ADGRV1: variants seen among roughly 807,000 people sequenced by gnomAD.
ADGRV1 encodes the protein G-protein coupled receptor 98.
A neutral mutation model predicts 596.2 loss-of-function variants in ADGRV1; 359 were observed. That is an observed-to-expected ratio of 0.60 (90% CI 0.55 to 0.66). The LOEUF is 0.66. Among genes scored for constraint, ADGRV1 ranks in the 30% least tolerant of loss-of-function variants. The pLI is 0.00. For missense variants in ADGRV1, 7,274 were observed against 7,575.6 expected (o/e 0.96, Z 1.48); for synonymous variants, 2,681 against 2,679.2 (o/e 1.00, Z -0.02).
intron 85 of ADGRV1, among the ~76,000 whole-genome samples, chr5:91,015,515 A>G (rs1172965227): frequency 6.6e-6 from 1 of 152,022 alleles, no homozygotes; most frequent in Non-Finnish European, 1.5e-5. Flanking sequence ...GCGGGAGTCT[A>G]TGTCTCTTTG....
intron 50 of ADGRV1, among the ~76,000 whole-genome samples, chr5:90,741,239 A>G (rs1259147141): frequency 6.6e-6 from 1 of 151,936 alleles, no homozygotes; most frequent in Non-Finnish European, 1.5e-5. Flanking sequence ...CCTCCACACT[A>G]TCTTTACTTT....
intron 16 of ADGRV1, among the ~76,000 whole-genome samples, chr5:90,646,336 T>A (rs1056583518): frequency 1.3e-5 from 2 of 152,072 alleles, no homozygotes. Context: ...ACTTCAAAAA[T>A]TTTTTGAAGC....
chr5:91,031,377 T>G (rs1424764443), intron 85 of ADGRV1: 2 of 1,123,344 alleles, frequency 1.8e-6, no homozygotes, highest in African/African-American at 3.1e-5. Flanking sequence ...AAGTTCATCA[T>G]TCTGCATGCT....
chr5:91,118,342 G>T (rs954223325), intron 87 of ADGRV1, among the ~76,000 whole-genome samples: 5 of 151,532 alleles, frequency 3.3e-5, no homozygotes, highest in Admixed American at 6.6e-5. Flanking sequence ...GCTATTATGG[G>T]ATCTATTTAA....
chr5:90,611,043 C>T (rs1033807872), intron 1 of ADGRV1, among the ~76,000 whole-genome samples: 4 of 151,140 alleles, frequency 2.6e-5, no homozygotes, highest in African/African-American at 9.7e-5. Context: ...ATCTGAATGG[C>T]CAACCCTATG....
chr5:91,112,780 A>C (rs2126702557), intron 87 of ADGRV1, among the ~76,000 whole-genome samples: 1 of 152,314 alleles, frequency 6.6e-6, no homozygotes, highest in South Asian at 2.1e-4. Flanking sequence ...TTAAGTGTCA[A>C]GCAACCTCTA....
In ADGRV1 at chr5:90,712,338, CT is replaced by C; in HGVS notation, c.9096del (p.Asp3033MetfsTer13). 1 of 1,561,944 alleles carries C rather than the reference CT, an allele frequency of 6.4e-7. No individual in the cohort carries two copies. The highest frequency in any genetic ancestry group is 2.3e-5 in the East Asian group (1 of 43,330). ...ERYKNVNIMI[L>X]DDDIPEGDEK... Reference sequence around the variant, plus strand: ...GTATAAAAATGTCAATATCATGATTCTTGATGATGACATTCCAGAAGGAGAT... The same window carrying C: ...GTATAAAAATGTCAATATCATGATTCTGATGATGACATTCCAGAAGGAGAT... On this transcript the variant is annotated frameshift_variant, in exon 42 of 90. Transcript: ENST00000405460. LOFTEE classifies it high-confidence loss of function.
In ADGRV1 at chr5:90,759,531, TG is replaced by T; in HGVS notation, c.12064del (p.Val4022LeufsTer20). ...GRLGDDVVVT[V>X]VIPQNDSPFG... ...GACTTGGTGATGATGTTGTGGTAAC[TG>T]TTGTTATTCCACAAAATGATTCTCC... On this transcript the variant is annotated frameshift_variant, in exon 58 of 90. Transcript: ENST00000405460. LOFTEE classifies it high-confidence loss of function. 2 of 1,613,162 alleles carry T rather than the reference TG, an allele frequency of 1.2e-6. No individual in the cohort carries two copies. The highest frequency in any genetic ancestry group is 1.7e-6 in the Non-Finnish European group (2 of 1,179,262).
chr5:90,778,492 G>A lies in ADGRV1; in HGVS notation c.12732G>A (p.Glu4244=). Residue 4244 remains glutamate (E), a synonymous_variant, in exon 63 of 90, where the codon GAG becomes GAA. Transcript: ENST00000405460. ...FYEFQLTAVS[E]GGVLSESSST... ...AGTTTCAGCTCACTGCAGTCAGTGA[G>A]GGAGGAGTTCTGAGTGAATCCAGCA... 2 of 1,613,194 alleles carry A rather than the reference G, an allele frequency of 1.2e-6. No homozygotes were observed. The highest frequency in any genetic ancestry group is 1.7e-6 in the Non-Finnish European group (2 of 1,179,520).
chr5:90,591,301 C>A (rs542898970), intron 1 of ADGRV1, among the ~76,000 whole-genome samples: 1 of 152,178 alleles, frequency 6.6e-6, no homozygotes, highest in Admixed American at 6.5e-5. Flanking sequence ...GAGGCTGAGG[C>A]ATGAGAACTG....
rs190922596 is a variant in ADGRV1, at chr5:90,647,666, A to C, written c.3191A>C (p.Glu1064Ala). ...GAAAAAGGAGAAACGCTCATTTTTG[A>C]GGTTGGAAGTAGACAGCAGAGCATA... ...PVEKGETLIF[E>A]VGSRQQSISI... Residue 1064 changes from glutamate (E) to alanine (A), a missense_variant, in exon 17 of 90, where the codon GAG becomes GCG. Coordinates refer to ENST00000405460, the MANE Select transcript of ADGRV1 (RefSeq NM_032119.4). The C allele has an allele frequency of 2.1e-3, 3,384 of 1,613,958 alleles. 7 individuals are homozygous for C. The highest frequency in any genetic ancestry group is 3.0e-3 in the Admixed American group (178 of 60,012).
At position 90,652,347 on chromosome 5, in the gene ADGRV1, ATT is replaced by A; in HGVS notation, c.3421_3422del (p.Leu1141GlufsTer8). Reference protein sequence around the residue: ...VEEGKTNAFWILRHRGYFGSV... With the variant: ...VEEGKTNAFWXLRHRGYFGSV... ...AATTTTCTTTAATTTATTTTGTAGGATTTTGAGGCACCGAGGATACTTTGGTA... is the reference window on the plus strand; with the variant it reads ...AATTTTCTTTAATTTATTTTGTAGGATTGAGGCACCGAGGATACTTTGGTA... On this transcript the variant is annotated frameshift_variant and splice_region_variant, in exon 19 of 90. Coordinates refer to ENST00000405460, the MANE Select transcript of ADGRV1 (RefSeq NM_032119.4). LOFTEE classifies it high-confidence loss of function. The A allele has an allele frequency of 6.3e-7, 1 of 1,575,432 alleles. No homozygotes were observed. Among genetic ancestry groups the A allele is most frequent in the Non-Finnish European group, 8.6e-7 (1 of 1,162,608 alleles).
chr5:90,809,123 A>AT (rs1216578943), intron 73 of ADGRV1, among the ~76,000 whole-genome samples: 3 of 151,564 alleles, frequency 2.0e-5, no homozygotes, highest in Admixed American at 2.0e-4. Context: ...TGCCCTACTA[A>AT]TTTTTTGTAT....
At chr5:90,958,102 CCTGA>C (rs1395573021) in intron 83 of ADGRV1, among the ~76,000 whole-genome samples, 1 of 151,080 alleles carries the variant, frequency 6.6e-6, no homozygotes, top group Non-Finnish European at 1.5e-5. Flanking sequence ...ATGCCAAAGC[CCTGA>C]CTCTACAAAA....
intron 38 of ADGRV1, among the ~76,000 whole-genome samples, chr5:90,707,775 T>C (rs1433123460): frequency 6.6e-6 from 1 of 152,154 alleles, no homozygotes; most frequent in Non-Finnish European, 1.5e-5. Flanking sequence ...ATTGGGTTTT[T>C]GTTTCCACCT....
intron 35 of ADGRV1, 112 bp downstream of exon 35, chr5:90,703,907 AGACCTACTTC>A: frequency 1.3e-6 from 1 of 746,464 alleles, no homozygotes; most frequent in Non-Finnish European, 2.1e-6. Flanking sequence ...TCTCTTCTCC[AGACCTACTTC>A]GTATGAATTC....
In ADGRV1 at chr5:90,637,922, T is replaced by A; in HGVS notation, c.2214T>A (p.Asn738Lys). The A allele has an allele frequency of 1.2e-6, 2 of 1,613,036 alleles. No individual in the cohort carries two copies. The highest frequency in any genetic ancestry group is 1.7e-6 in the Non-Finnish European group (2 of 1,179,236). Residue 738 changes from asparagine to lysine, a missense_variant, in exon 11 of 90, where the codon AAT (asparagine) becomes AAA (lysine). Asn to Lys is a moderately conservative substitution (Grantham distance 94). Coordinates refer to ENST00000405460, the MANE Select transcript of ADGRV1 (RefSeq NM_032119.4). Reference sequence around the variant, plus strand: ...AAGGTGATGACATACCGGAAATGAATGAAACTGTAACACTTTCTCTAGACA... The same window carrying A: ...AAGGTGATGACATACCGGAAATGAAAGAAACTGTAACACTTTCTCTAGACA... ...TIKGDDIPEM[N>K]ETVTLSLDRV...
intron 87 of ADGRV1, among the ~76,000 whole-genome samples, chr5:91,132,361 AT>A (rs1165970272): frequency 7.2e-5 from 11 of 152,306 alleles, no homozygotes; most frequent in African/African-American, 2.6e-4. Flanking sequence ...TACAAATCAC[AT>A]TTTAGGTATT....
At chr5:90,617,590 G>A in intron 2 of ADGRV1, 2 of 410,670 alleles carry the variant, frequency 4.9e-6, no homozygotes, top group South Asian at 5.5e-5. Context: ...TTACAGTAGT[G>A]AGCCACTGCG....
Sources: gnomAD v4.1 joint callset for allele counts (sites outside exome capture counted in the v4.1 genomes callset) on GRCh38, gnomAD v4.1.1 for gene constraint, MANE v1.5 for transcripts, NCBI Gene and HGNC (gene_info 2026-07-23, HGNC 2026-07-21) for gene names.